Variants in PCDH11X observed in about 807,000 individuals in gnomAD.
The protein encoded by PCDH11X is protocadherin-11 X-linked.
In PCDH11X, 18 loss-of-function variants were observed where a neutral mutation model predicts 53.3. The observed-to-expected ratio is 0.34, with a 90% confidence interval of 0.23 to 0.50. The LOEUF is 0.50. Ranked by LOEUF, PCDH11X falls within the 20% of genes least tolerant of loss-of-function variation. The pLI is 0.98. For missense variants in PCDH11X, 570 were observed against 1,032.4 expected, an observed-to-expected ratio of 0.55 and a Z score of 6.14; for synonymous variants, 279 against 393.3, an observed-to-expected ratio of 0.71 and a Z score of 3.44.
intron 10 of PCDH11X, among the ~76,000 whole-genome samples, chrX:92,552,382 A>G (rs2074974659): frequency 9.3e-6 from 1 of 107,433 alleles, no homozygotes; most frequent in African/African-American, 3.4e-5. Flanking sequence ...CTGCATGTTA[A>G]TTTTTTATCC....
At chrX:91,780,043 G>A (rs1485655618) in intron 1 of PCDH11X, among the ~76,000 whole-genome samples, 1 of 112,202 alleles carries the variant, frequency 8.9e-6, no homozygotes, top group African/African-American at 3.2e-5. Flanking sequence ...GCGAGGCTGA[G>A]GGAAACTCTA....
intron 6 of PCDH11X, among the ~76,000 whole-genome samples, chrX:92,027,409 G>A (rs1384929019): frequency 9.0e-6 from 1 of 111,157 alleles, no homozygotes; most frequent in Non-Finnish European, 1.9e-5. Context: ...GGGAGCCGAA[G>A]CAATTTTTAC....
chrX:92,263,088 C>A (rs1471228103), intron 7 of PCDH11X, 26 bp from the exon 8 acceptor site: 1 of 1,174,990 alleles, frequency 8.5e-7, no homozygotes, highest in Non-Finnish European at 1.1e-6. Context: ...CTTTGCTTCC[C>A]TTGCCTCCAT....
At chrX:92,434,879 G>C (rs1285200992) in intron 9 of PCDH11X, among the ~76,000 whole-genome samples, 1 of 109,851 alleles carries the variant, frequency 9.1e-6, no homozygotes. Context: ...CTACACTGAA[G>C]TTAAAGGAAC....
At chrX:92,228,194 T>A (rs1271623979) in intron 7 of PCDH11X, among the ~76,000 whole-genome samples, 1 of 111,775 alleles carries the variant, frequency 8.9e-6, no homozygotes, top group Non-Finnish European at 1.9e-5. Context: ...CCTAACAGAT[T>A]GTATTCTATT....
intron 6 of PCDH11X, among the ~76,000 whole-genome samples, chrX:92,114,714 T>C (rs949683917): frequency 8.9e-6 from 1 of 111,894 alleles, no homozygotes; most frequent in African/African-American, 3.2e-5. Context: ...TAAACATACC[T>C]GTGGTTTCCT....
chrX:92,065,522 A>G (rs1437977565), intron 6 of PCDH11X, among the ~76,000 whole-genome samples: 1 of 111,505 alleles, frequency 9.0e-6, no homozygotes, highest in Non-Finnish European at 1.9e-5. Flanking sequence ...CCTTACCAGC[A>G]TTTGTTATTG....
At chrX:92,481,468 T>C (rs2073504557) in intron 10 of PCDH11X, among the ~76,000 whole-genome samples, 1 of 110,677 alleles carries the variant, frequency 9.0e-6, no homozygotes, top group Admixed American at 9.5e-5. Flanking sequence ...TGGGCTTTGC[T>C]CTGCTGGAGC....
intron 8 of PCDH11X, among the ~76,000 whole-genome samples, chrX:92,332,670 G>T (rs2069519359): frequency 8.9e-6 from 1 of 111,761 alleles, no homozygotes; most frequent in Non-Finnish European, 1.9e-5. Flanking sequence ...TTATTAACAG[G>T]CAACGAATTG....
chrX:92,501,011 CAAAT>C (rs1413739842), intron 10 of PCDH11X, among the ~76,000 whole-genome samples: 2 of 110,549 alleles, frequency 1.8e-5, no homozygotes, highest in Non-Finnish European at 3.8e-5. Context: ...AAAGAATAAT[CAAAT>C]AAACACAATC....
intron 5 of PCDH11X, among the ~76,000 whole-genome samples, chrX:91,847,757 A>G (rs1937764882): frequency 1.8e-5 from 2 of 111,661 alleles, no homozygotes; most frequent in African/African-American, 6.5e-5. Flanking sequence ...ACATAGGGTG[A>G]ATTTTTTTCT....
At chrX:91,987,944 A>G (rs1212630585) in intron 6 of PCDH11X, among the ~76,000 whole-genome samples, 1 of 110,790 alleles carries the variant, frequency 9.0e-6, no homozygotes, top group Non-Finnish European at 1.9e-5. Flanking sequence ...TCATCTTTGT[A>G]TCTCCCATGA....
intron 5 of PCDH11X, among the ~76,000 whole-genome samples, chrX:91,840,465 A>G (rs1288639136): frequency 1.8e-5 from 2 of 111,715 alleles, no homozygotes; most frequent in Non-Finnish European, 3.8e-5. Flanking sequence ...GATCATTTAA[A>G]CTGGGGTAGT....
At chrX:92,114,689 T>A (rs942000536) in intron 6 of PCDH11X, among the ~76,000 whole-genome samples, 1 of 111,554 alleles carries the variant, frequency 9.0e-6, no homozygotes, top group Non-Finnish European at 1.9e-5. Flanking sequence ...CCAAACTTAT[T>A]TTCTGAACAT....
At chrX:91,823,001 TC>T (rs1371065089) in intron 4 of PCDH11X, among the ~76,000 whole-genome samples, 1 of 109,819 alleles carries the variant, frequency 9.1e-6, no homozygotes, top group African/African-American at 3.3e-5. Context: ...AGTTTCTTAA[TC>T]CTGAGTTCTA....
At chrX:91,995,736 TG>T (rs2062405447) in intron 6 of PCDH11X, among the ~76,000 whole-genome samples, 2 of 111,832 alleles carry the variant, frequency 1.8e-5, no homozygotes, top group South Asian at 7.4e-4. Context: ...ATTGGGATAT[TG>T]ATAGGAATTG....
Position 92,394,385 on chromosome X carries a change from C to G in PCDH11X, c.3343+6452C>G, listed in dbSNP as rs556813333. 8.1e-5 allele frequency among the ~76,000 whole-genome samples: 9 copies of G among 111,177 alleles called. No individual in the cohort carries two copies. In the South Asian group the frequency reaches 2.6e-3, roughly 33 times the overall value. On this transcript the variant is annotated intron_variant, in intron 9 of 10. Coordinates refer to ENST00000682573, the MANE Select transcript of PCDH11X (RefSeq NM_032968.5). ...AGTGACAAGCACTAGGAGACTGGCA[C>G]AAGCTGCCAATTGAAAGCCAATGCC...
intron 5 of PCDH11X, among the ~76,000 whole-genome samples, chrX:91,848,322 C>T (rs1296967657): frequency 9.1e-6 from 1 of 110,297 alleles, no homozygotes; most frequent in African/African-American, 3.3e-5. Flanking sequence ...CTGCCCCAGC[C>T]TCCCGAGTAG....
At chrX:91,894,055 A>G (rs1032255353) in intron 6 of PCDH11X, among the ~76,000 whole-genome samples, 7 of 112,083 alleles carry the variant, frequency 6.2e-5, no homozygotes, top group Admixed American at 1.9e-4. Flanking sequence ...TCTCTTTCAT[A>G]TCTTTCCTAG....
Sources: gnomAD v4.1 joint callset for allele counts (sites outside exome capture counted in the v4.1 genomes callset) on GRCh38, gnomAD v4.1.1 for gene constraint, MANE v1.5 for transcripts, NCBI Gene and HGNC (gene_info 2026-07-23, HGNC 2026-07-21) for gene names.